Variants in MAPK10 observed in about 807,000 individuals in gnomAD.
MAPK10 encodes mitogen-activated protein kinase 10, also known as JNK3 alpha protein kinase.
In MAPK10, 25 loss-of-function variants were observed where a neutral mutation model predicts 59.3. That is an observed-to-expected ratio of 0.42 (90% CI 0.31 to 0.59). The LOEUF (loss-of-function observed/expected upper bound fraction) is 0.59, where lower values mean the gene tolerates loss of function less well. MAPK10 is among the 20% of genes least tolerant of loss of function. MAPK10 has a pLI of 0.15. For synonymous variants in MAPK10, 190 were observed against 200.5 expected, an observed-to-expected ratio of 0.95 and a Z score of 0.44; for missense variants, 351 against 568.9, an observed-to-expected ratio of 0.62 and a Z score of 3.90.
chr4:86,103,164 C>T (rs760246188), intron 6 of MAPK10, 22 bp downstream of exon 6: 1 of 1,575,530 alleles, frequency 6.3e-7, no homozygotes, highest in Non-Finnish European at 8.7e-7. Flanking sequence ...CTCTCCCTTC[C>T]TTCATGAGTT....
intron 1 of MAPK10, among the ~76,000 whole-genome samples, chr4:86,481,425 G>T (rs1579356958): frequency 7.4e-6 from 1 of 135,292 alleles, no homozygotes; most frequent in African/African-American, 2.5e-5. Flanking sequence ...TTGTGAAAGT[G>T]GAGGAAAAAA....
intron 9 of MAPK10, among the ~76,000 whole-genome samples, chr4:86,074,250 A>C (rs2048710107): frequency 7.1e-6 from 1 of 141,540 alleles, no homozygotes; most frequent in East Asian, 2.0e-4. Flanking sequence ...GGCTTGGTAG[A>C]TCTTCCTCCA....
At chr4:86,527,163 A>G (rs892475196) in intron 1 of MAPK10, among the ~76,000 whole-genome samples, 1 of 151,822 alleles carries the variant, frequency 6.6e-6, no homozygotes, top group African/African-American at 2.4e-5. Flanking sequence ...TAAAAATAAA[A>G]GTTAGCCAGG....
chr4:86,081,277 T>C (rs1030148002), intron 9 of MAPK10: 31 of 152,020 alleles, frequency 2.0e-4, no homozygotes, highest in African/African-American at 7.2e-4. Flanking sequence ...TGTAAGAGAC[T>C]AAACTTTAAA....
At chr4:86,571,431 G>A (rs1761445706) in intron 1 of MAPK10, among the ~76,000 whole-genome samples, 1 of 151,010 alleles carries the variant, frequency 6.6e-6, no homozygotes, top group African/African-American at 2.4e-5. Context: ...TCACAAAAAT[G>A]ATGGCAGGAA....
At chr4:86,533,824 C>T (rs1758023916) in intron 1 of MAPK10, among the ~76,000 whole-genome samples, 1 of 152,186 alleles carries the variant, frequency 6.6e-6, no homozygotes, top group Non-Finnish European at 1.5e-5. Flanking sequence ...GTTGGACTTC[C>T]CACCTCTGTG....
rs572348323 is a variant in MAPK10 at position 86,278,368 on chromosome 4, T to C, written c.-7+76162A>G. On this transcript the variant is annotated intron_variant, in intron 2 of 13. Coordinates refer to ENST00000641462, the MANE Select transcript of MAPK10 (RefSeq NM_138982.4). ...TGGAGTCTACTCCAAAATATGAACA[T>C]AGTGGAGCAATCATCTTCCACTTAG... Among the ~76,000 whole-genome samples the C allele has an allele frequency of 2.9e-4, 44 of 152,288 alleles. No individual in the cohort carries two copies. The South Asian group carries it at 8.9e-3, about 31-fold the overall frequency.
At chr4:86,213,531 A>G (rs1404216695) in intron 2 of MAPK10, among the ~76,000 whole-genome samples, 1 of 152,102 alleles carries the variant, frequency 6.6e-6, no homozygotes, top group African/African-American at 2.4e-5. Context: ...GAGTGGGGAC[A>G]TTAGTACAAA....
intron 12 of MAPK10, among the ~76,000 whole-genome samples, chr4:86,030,313 T>C (rs2038720571): frequency 1.3e-5 from 2 of 152,072 alleles, no homozygotes; most frequent in South Asian, 4.1e-4. Context: ...TAAAATTTTT[T>C]TATTTTATTT....
intron 2 of MAPK10, among the ~76,000 whole-genome samples, chr4:86,299,071 G>A (rs956921152): frequency 6.6e-6 from 1 of 152,094 alleles, no homozygotes; most frequent in African/African-American, 2.4e-5. Flanking sequence ...CTTGATATGT[G>A]TCTAAAATTT....
intron 1 of MAPK10, among the ~76,000 whole-genome samples, chr4:86,491,135 G>A (rs955646417): frequency 2.0e-5 from 3 of 152,008 alleles, no homozygotes; most frequent in Admixed American, 6.6e-5. Context: ...ATCAGAGGCC[G>A]GAGCAAAGTA....
chr4:86,591,354 T>A (rs1763030167), intron 1 of MAPK10, among the ~76,000 whole-genome samples: 1 of 152,136 alleles, frequency 6.6e-6, no homozygotes, highest in South Asian at 2.1e-4. Context: ...CTCTTGATTT[T>A]CATATGTTTT....
intron 2 of MAPK10, among the ~76,000 whole-genome samples, chr4:86,228,346 G>C (rs1324491657): frequency 6.6e-6 from 1 of 152,164 alleles, no homozygotes; most frequent in Admixed American, 6.5e-5. Flanking sequence ...AATCTCTCCA[G>C]GATCAAGGCC....
intron 1 of MAPK10, among the ~76,000 whole-genome samples, chr4:86,373,318 C>T (rs936525070): frequency 6.6e-6 from 1 of 152,048 alleles, no homozygotes; most frequent in East Asian, 1.9e-4. Context: ...AGAAGAAAAC[C>T]TAGGCAATAC....
At chr4:86,536,887 A>C (rs1486896643) in intron 1 of MAPK10, among the ~76,000 whole-genome samples, 2 of 152,198 alleles carry the variant, frequency 1.3e-5, no homozygotes, top group African/African-American at 2.4e-5. Flanking sequence ...ATTTGGTTAT[A>C]AAGCCTTTCA....
At chr4:86,087,168 T>C (rs2052064573) in intron 9 of MAPK10, among the ~76,000 whole-genome samples, 1 of 152,204 alleles carries the variant, frequency 6.6e-6, no homozygotes, top group African/African-American at 2.4e-5. Context: ...ATTTGGTAAT[T>C]CAGTTGTAGA....
intron 2 of MAPK10, among the ~76,000 whole-genome samples, chr4:86,321,141 T>C (rs1189679092): frequency 2.6e-5 from 4 of 151,992 alleles, no homozygotes; most frequent in Non-Finnish European, 5.9e-5. Context: ...TTGGTGGGAC[T>C]GTAAACTAGT....
intron 9 of MAPK10, 40 bp downstream of exon 9, chr4:86,098,484 A>G (rs1314226972): frequency 6.2e-7 from 1 of 1,610,836 alleles, no homozygotes; most frequent in Admixed American, 1.7e-5. Flanking sequence ...AGGGAGAGAG[A>G]ACAAAACAGG....
intron 1 of MAPK10, among the ~76,000 whole-genome samples, chr4:86,372,727 A>G (rs1313711733): frequency 6.6e-6 from 1 of 152,182 alleles, no homozygotes; most frequent in Non-Finnish European, 1.5e-5. Flanking sequence ...GAACAAAGAC[A>G]CAACATACCA....
Sources: allele counts gnomAD v4.1 joint callset (sites outside exome capture counted in the v4.1 genomes callset), GRCh38; gene constraint gnomAD v4.1.1; transcripts MANE v1.5; gene names NCBI Gene and HGNC (gene_info 2026-07-23, HGNC 2026-07-21).